Variants in AKT3 observed in about 807,000 individuals in gnomAD.
The protein encoded by AKT3 is RAC-gamma serine/threonine-protein kinase.
Under a neutral mutation model 65.3 loss-of-function variants are expected in AKT3, and 15 were observed. The ratio of observed to expected loss-of-function variants is 0.23; its 90% CI spans 0.15 to 0.35. The LOEUF (loss-of-function observed/expected upper bound fraction) is 0.35. Among genes scored for constraint, AKT3 ranks in the 10% least tolerant of loss-of-function variants. The pLI is 1.00. For synonymous variants in AKT3, 206 were observed against 183.8 expected, an observed-to-expected ratio of 1.12 and a Z score of -0.98; for missense variants, 243 against 576.5, an observed-to-expected ratio of 0.42 and a Z score of 5.92.
At chr1:243,587,560 G>A (rs976435106) in intron 8 of AKT3, among the ~76,000 whole-genome samples, 3 of 152,086 alleles carry the variant, frequency 2.0e-5, no homozygotes, top group Non-Finnish European at 4.4e-5. Context: ...GCAGTAAGCC[G>A]AGACTGCACC....
intron 3 of AKT3, among the ~76,000 whole-genome samples, chr1:243,666,004 T>C (rs1256228240): frequency 6.6e-6 from 1 of 152,088 alleles, no homozygotes; most frequent in Non-Finnish European, 1.5e-5. Context: ...TTAGCTGTGT[T>C]TTTGTTTGTT....
At chr1:243,710,252 G>T (rs1402001057) in intron 2 of AKT3, among the ~76,000 whole-genome samples, 2 of 152,010 alleles carry the variant, frequency 1.3e-5, no homozygotes, top group Non-Finnish European at 2.9e-5. Context: ...CCTCATTTGT[G>T]ATATATTTCA....
chr1:243,518,988 A>C (rs1033872317), intron 12 of AKT3, among the ~76,000 whole-genome samples: 6 of 152,236 alleles, frequency 3.9e-5, no homozygotes, highest in African/African-American at 1.2e-4. Context: ...TGATTAAATC[A>C]CTGATGCTTT....
intron 2 of AKT3, among the ~76,000 whole-genome samples, chr1:243,784,788 T>C (rs114475454): frequency 0.022 from 3,333 of 151,962 alleles, 115 homozygotes; most frequent in African/African-American, 0.076. Context: ...CCTCCTGTGC[T>C]CCCCCTCCCA....
chr1:243,531,816 A>G (rs972187095), intron 12 of AKT3, among the ~76,000 whole-genome samples: 2 of 152,164 alleles, frequency 1.3e-5, no homozygotes, highest in African/African-American at 2.4e-5. Context: ...TCGGTAGTGT[A>G]TAAGTCTTGT....
chr1:243,536,327 T>C (rs771434651), intron 12 of AKT3, among the ~76,000 whole-genome samples: 1 of 152,168 alleles, frequency 6.6e-6, no homozygotes, highest in Non-Finnish European at 1.5e-5. Flanking sequence ...GAATTTTTCA[T>C]AGGTTTTCTT....
intron 13 of AKT3, chr1:243,489,175 TG>T (rs1665759439): frequency 5.0e-6 from 8 of 1,607,084 alleles, no homozygotes; most frequent in Non-Finnish European, 6.8e-6. Context: ...TGGGAGTCCT[TG>T]GGCGGGCGTC....
intron 8 of AKT3, among the ~76,000 whole-genome samples, chr1:243,588,308 G>A (rs935613722): frequency 2.0e-5 from 3 of 152,168 alleles, no homozygotes; most frequent in Non-Finnish European, 4.4e-5. Flanking sequence ...GTAGCTCTTA[G>A]AGCTCACGCA....
chr1:243,835,076 T>C (rs936120606), intron 2 of AKT3, among the ~76,000 whole-genome samples: 4 of 152,134 alleles, frequency 2.6e-5, no homozygotes, highest in African/African-American at 7.2e-5. Flanking sequence ...GAATGAATAT[T>C]GTAATCTCAA....
At chr1:243,532,798 G>T (rs916816481) in intron 12 of AKT3, among the ~76,000 whole-genome samples, 7 of 152,076 alleles carry the variant, frequency 4.6e-5, no homozygotes, top group African/African-American at 1.7e-4. Flanking sequence ...TTTGGTGGGA[G>T]GTTTGCGATT....
rs1276439750 is a variant in AKT3, at chr1:243,641,263, T to TAC, written c.430-3522_430-3521insGT. 6.1e-5 allele frequency among the ~76,000 whole-genome samples: 9 copies of TAC among 147,452 alleles called. No individual in the cohort carries two copies. In the East Asian group the frequency reaches 1.4e-3, roughly 23 times the overall value. The stretch of plus-strand genomic sequence containing the variant: ...CTCCATATATATGTGTGTGTGTATA[T>TAC]ATATATATATACACACACACACACA... On this transcript the variant is annotated intron_variant, in intron 5 of 13. Transcript: ENST00000673466.
intron 5 of AKT3, 81 bp downstream of exon 5, chr1:243,645,812 A>G: frequency 3.7e-6 from 5 of 1,365,894 alleles, no homozygotes; most frequent in Non-Finnish European, 3.9e-6. Flanking sequence ...ACTGGCTGAC[A>G]TCTTTCTGCA....
chr1:243,668,972 A>G (rs1682988894), intron 3 of AKT3, among the ~76,000 whole-genome samples: 1 of 152,248 alleles, frequency 6.6e-6, no homozygotes, highest in African/African-American at 2.4e-5. Context: ...AAAGTTAAAA[A>G]ACACAAAATA....
chr1:243,753,807 ATATTT>A (rs1688958315), intron 2 of AKT3, among the ~76,000 whole-genome samples: 1 of 152,220 alleles, frequency 6.6e-6, no homozygotes, highest in Non-Finnish European at 1.5e-5. Flanking sequence ...GAACATTGAG[ATATTT>A]TATGGCAAAC....
chr1:243,514,813 C>T (rs1670246857), intron 12 of AKT3, among the ~76,000 whole-genome samples: 2 of 152,010 alleles, frequency 1.3e-5, no homozygotes, highest in South Asian at 2.1e-4. Context: ...CCGGGGCGAA[C>T]GAGTAAAACC....
At chr1:243,589,265 C>T (rs1676033016) in intron 8 of AKT3, among the ~76,000 whole-genome samples, 1 of 135,406 alleles carries the variant, frequency 7.4e-6, no homozygotes, top group South Asian at 2.3e-4. Flanking sequence ...GAGATTGTGC[C>T]ACTGCACTCC....
intron 3 of AKT3, among the ~76,000 whole-genome samples, chr1:243,683,290 C>T (rs1345760148): frequency 1.3e-5 from 2 of 152,096 alleles, no homozygotes; most frequent in South Asian, 2.1e-4. Flanking sequence ...TCCTTATTTC[C>T]TTCTTTTTTC....
At chr1:243,782,700 G>A (rs1416033854) in intron 2 of AKT3, among the ~76,000 whole-genome samples, 1 of 152,172 alleles carries the variant, frequency 6.6e-6, no homozygotes, top group Non-Finnish European at 1.5e-5. Context: ...TTAACAAATG[G>A]AACTGGGACG....
intron 2 of AKT3, among the ~76,000 whole-genome samples, chr1:243,726,146 A>C (rs549497907): frequency 6.6e-6 from 1 of 152,266 alleles, no homozygotes; most frequent in South Asian, 2.1e-4. Context: ...TGGGCATTTT[A>C]ACAGATCTTA....
Sources: allele counts gnomAD v4.1 joint callset (sites outside exome capture counted in the v4.1 genomes callset), GRCh38; gene constraint gnomAD v4.1.1; transcripts MANE v1.5; gene names NCBI Gene and HGNC (gene_info 2026-07-23, HGNC 2026-07-21).